Variants in FGF13 observed in about 807,000 individuals in gnomAD.
The protein encoded by FGF13 is fibroblast growth factor 13.
FGF13 carries 2 observed loss-of-function variants against 19.5 expected under a neutral mutation model. The ratio of observed to expected loss-of-function variants is 0.10; its 90% confidence interval spans 0.04 to 0.32. The LOEUF is 0.32. FGF13 is among the 10% of genes least tolerant of loss of function. The pLI is 1.00. For synonymous variants in FGF13, 72 were observed against 76.9 expected, an observed-to-expected ratio of 0.94 and a Z score of 0.33; for missense variants, 113 against 192.7, an observed-to-expected ratio of 0.59 and a Z score of 2.45.
At chrX:138,993,824 T>C (rs946055584) in intron 1 of FGF13, among the ~76,000 whole-genome samples, 38 of 111,524 alleles carry the variant, frequency 3.4e-4, no homozygotes, top group African/African-American at 1.2e-3. Flanking sequence ...CACTGTGTTG[T>C]CATAAAGATT....
At chrX:139,161,630 T>C (rs1213537728) in intron 1 of FGF13, among the ~76,000 whole-genome samples, 2 of 112,203 alleles carry the variant, frequency 1.8e-5, no homozygotes, top group East Asian at 2.8e-4. Flanking sequence ...GCACATGACA[T>C]GATTGTAAAT....
At chrX:138,962,864 A>G (rs2091879786) in intron 1 of FGF13, among the ~76,000 whole-genome samples, 1 of 111,644 alleles carries the variant, frequency 9.0e-6, no homozygotes, top group Admixed American at 9.5e-5. Context: ...TGGGACGGGG[A>G]GGGATAGCAT....
intron 1 of FGF13, among the ~76,000 whole-genome samples, chrX:138,897,160 C>A (rs1271910858): frequency 9.0e-6 from 1 of 111,268 alleles, no homozygotes; most frequent in African/African-American, 3.3e-5. Context: ...CAGGTGCACA[C>A]TACCATGCCC....
At chrX:139,003,954 G>C (rs1219962549) in intron 1 of FGF13, among the ~76,000 whole-genome samples, 1 of 112,644 alleles carries the variant, frequency 8.9e-6, no homozygotes, top group African/African-American at 3.2e-5. Context: ...AGGAGCCCAG[G>C]TGGCTTCACC....
chrX:138,805,795 T>C (rs1317902731), intron 3 of FGF13, among the ~76,000 whole-genome samples: 1 of 112,001 alleles, frequency 8.9e-6, no homozygotes, highest in Non-Finnish European at 1.9e-5. Flanking sequence ...AGCAGATCTT[T>C]AGATCTTATT....
intron 1 of FGF13, among the ~76,000 whole-genome samples, chrX:139,023,736 A>C (rs1195318018): frequency 9.0e-6 from 1 of 111,312 alleles, no homozygotes; most frequent in East Asian, 2.8e-4. Flanking sequence ...TGATGACGTC[A>C]TCATGTTCAT....
At chrX:139,016,635 C>T (rs746528982) in intron 1 of FGF13, among the ~76,000 whole-genome samples, 3 of 112,105 alleles carry the variant, frequency 2.7e-5, no homozygotes, top group African/African-American at 6.5e-5. Flanking sequence ...ATAACTAGAA[C>T]ATATTTTATT....
intron 2 of FGF13, among the ~76,000 whole-genome samples, chrX:138,706,804 A>G (rs752369909): frequency 4.5e-5 from 5 of 112,169 alleles, no homozygotes; most frequent in Non-Finnish European, 7.5e-5. Flanking sequence ...AATATCCTCA[A>G]TGGCAAAGCT....
In FGF13 at chrX:138,802,224, C is replaced by T. The variant is rs188335727; in HGVS notation, c.217+55288G>A. Among the ~76,000 whole-genome samples, 14 of 112,554 alleles carry T rather than the reference C, an allele frequency of 1.2e-4. 1 individual carries two copies. The highest frequency in any genetic ancestry group is 3.2e-4 in the African/African-American group (10 of 31,001). On this transcript the variant is annotated intron_variant, in intron 3 of 6. Transcript: ENST00000436198. Reference sequence around the variant, plus strand: ...CACCCAGATTTGTGCTTGAAACCCACGGCCCTGGTGGTGTAAGCACACGAG... The same window carrying T: ...CACCCAGATTTGTGCTTGAAACCCATGGCCCTGGTGGTGTAAGCACACGAG...
chrX:139,131,571 A>C (rs748858572), intron 1 of FGF13, among the ~76,000 whole-genome samples: 1 of 110,910 alleles, frequency 9.0e-6, no homozygotes, highest in South Asian at 3.9e-4. Context: ...CCCTGTCTCT[A>C]CAGAAAATTT....
At chrX:139,022,393 G>A (rs951963418) in intron 1 of FGF13, among the ~76,000 whole-genome samples, 12 of 111,742 alleles carry the variant, frequency 1.1e-4, no homozygotes, top group Admixed American at 1.0e-3. Context: ...ACAATACACA[G>A]GGCATTGTAA....
At chrX:138,809,347 C>T (rs892258556) in intron 3 of FGF13, among the ~76,000 whole-genome samples, 2 of 112,029 alleles carry the variant, frequency 1.8e-5, no homozygotes, top group African/African-American at 6.5e-5. Flanking sequence ...ACAAAAACCA[C>T]ATGATTATCT....
chrX:138,775,610 C>G (rs1362036258), intron 3 of FGF13, among the ~76,000 whole-genome samples: 1 of 111,965 alleles, frequency 8.9e-6, no homozygotes, highest in Non-Finnish European at 1.9e-5. Flanking sequence ...GCATTTCTTG[C>G]AGACCAGGAC....
At chrX:138,847,104 T>C (rs1466460387) in intron 3 of FGF13, among the ~76,000 whole-genome samples, 5 of 111,639 alleles carry the variant, frequency 4.5e-5, no homozygotes, top group Non-Finnish European at 5.7e-5. Context: ...AGATAACAAA[T>C]GCACTTATGG....
intron 1 of FGF13, among the ~76,000 whole-genome samples, chrX:139,053,084 T>A (rs1422276479): frequency 9.6e-6 from 1 of 104,387 alleles, no homozygotes; most frequent in Non-Finnish European, 2.0e-5. Flanking sequence ...AGCTCCCACA[T>A]ATTAGTGAGA....
chrX:138,736,061 C>T (rs1190163131), intron 1 of FGF13, among the ~76,000 whole-genome samples: 3 of 111,937 alleles, frequency 2.7e-5, no homozygotes, highest in African/African-American at 6.5e-5. Flanking sequence ...GTGGCCCTGC[C>T]GGAATGAAAA....
chrX:138,908,706 G>A (rs1263236101), intron 1 of FGF13, among the ~76,000 whole-genome samples: 1 of 111,789 alleles, frequency 8.9e-6, no homozygotes, highest in South Asian at 3.8e-4. Flanking sequence ...TGCTGCGGGC[G>A]CTAATCCTTT....
At chrX:139,015,239 T>G (rs2092148049) in intron 1 of FGF13, among the ~76,000 whole-genome samples, 1 of 110,870 alleles carries the variant, frequency 9.0e-6, no homozygotes, top group African/African-American at 3.3e-5. Flanking sequence ...GAGAAAGAAA[T>G]AAAGGGCATC....
chrX:138,819,264 G>A (rs778813197), intron 3 of FGF13, among the ~76,000 whole-genome samples: 3 of 110,770 alleles, frequency 2.7e-5, no homozygotes, highest in South Asian at 3.8e-4. Context: ...TTTAGGACAA[G>A]ATATCAATTA....
Sources: allele counts gnomAD v4.1 joint callset (sites outside exome capture counted in the v4.1 genomes callset), GRCh38; gene constraint gnomAD v4.1.1; transcripts MANE v1.5; gene names NCBI Gene and HGNC (gene_info 2026-07-23, HGNC 2026-07-21).